The following PLGRKT variants were observed in gnomAD, a reference collection of about 807,000 sequenced individuals.
The protein encoded by PLGRKT is plasminogen receptor with a C-terminal lysine, also known as plasminogen receptor (KT).
A neutral mutation model predicts 18.5 loss-of-function variants in PLGRKT; 22 were observed. The observed-to-expected ratio is 1.19, with a 90% CI of 0.85 to 1.70. The LOEUF (loss-of-function observed/expected upper bound fraction) is 1.70. Ranked by LOEUF, PLGRKT falls within the 40% of genes most tolerant of loss-of-function variation. PLGRKT has a pLI of 0.00. For synonymous variants in PLGRKT, 72 were observed against 52.8 expected (o/e 1.36, Z -1.58); for missense variants, 235 against 174.4 (o/e 1.35, Z -1.96).
intron 3 of PLGRKT, among the ~76,000 whole-genome samples, chr9:5,390,181 T>C (rs1376259314): frequency 6.6e-6 from 1 of 151,526 alleles, no homozygotes; most frequent in Admixed American, 6.6e-5. Context: ...CTGTGACTAA[T>C]TCAGTTCTTC....
chr9:5,392,338 G>A (rs1404263855), intron 3 of PLGRKT: 1 of 151,858 alleles, frequency 6.6e-6, no homozygotes, highest in African/African-American at 2.4e-5. Context: ...CAGTCCCAGA[G>A]GAATGTATTC....
At chr9:5,371,094 T>C (rs1467024801) in intron 3 of PLGRKT, among the ~76,000 whole-genome samples, 1 of 152,252 alleles carries the variant, frequency 6.6e-6, no homozygotes, top group East Asian at 1.9e-4. Context: ...TTCTTACGCG[T>C]ACATGTAACA....
intron 3 of PLGRKT, among the ~76,000 whole-genome samples, chr9:5,428,925 T>G (rs186505921): frequency 6.6e-6 from 1 of 152,274 alleles, no homozygotes; most frequent in Non-Finnish European, 1.5e-5. Flanking sequence ...TGGTCTTGAA[T>G]TCTTGGGCTC....
At chr9:5,358,471 C>T in intron 5 of PLGRKT, 111 bp from the exon 6 acceptor site, 1 of 784,532 alleles carries the variant, frequency 1.3e-6, no homozygotes, top group Non-Finnish European at 2.0e-6. Flanking sequence ...GAGCCATGTC[C>T]CCAATCTCAC....
At chr9:5,411,083 A>G (rs772401290) in intron 3 of PLGRKT, among the ~76,000 whole-genome samples, 41 of 152,234 alleles carry the variant, frequency 2.7e-4, no homozygotes, top group East Asian at 7.7e-4. Flanking sequence ...AAGAAAGCAG[A>G]CAAGAAAAGA....
intron 3 of PLGRKT, among the ~76,000 whole-genome samples, chr9:5,413,015 G>A (rs1216223315): frequency 1.3e-5 from 2 of 152,094 alleles, no homozygotes; most frequent in Non-Finnish European, 2.9e-5. Context: ...TTAAAGAAAA[G>A]CAAATTAAAG....
chr9:5,390,703 G>C lies in PLGRKT; in HGVS notation c.82-28815C>G, dbSNP rs555340761. ...AACTGCAGCTTCCCCAATGTACCCA[G>C]TCACTCCTACCTTGCAAGGCTGTTG... On this transcript the variant is annotated intron_variant, in intron 3 of 5. Transcript: ENST00000223864. Among the ~76,000 whole-genome samples, 11 of 151,894 alleles carry C rather than the reference G, an allele frequency of 7.2e-5. No homozygotes were observed. In the South Asian group the frequency reaches 1.9e-3, roughly 26 times the overall value.
At chr9:5,383,155 C>T (rs746249003) in intron 3 of PLGRKT, among the ~76,000 whole-genome samples, 16 of 152,130 alleles carry the variant, frequency 1.1e-4, no homozygotes, top group Non-Finnish European at 1.0e-4. Flanking sequence ...GAGATTGGAG[C>T]AATGCAGCCA....
intron 3 of PLGRKT, among the ~76,000 whole-genome samples, chr9:5,376,995 G>A (rs1473939756): frequency 6.6e-6 from 1 of 152,080 alleles, no homozygotes; most frequent in Non-Finnish European, 1.5e-5. Flanking sequence ...TTTTTATAAA[G>A]AAATAAAATC....
intron 3 of PLGRKT, among the ~76,000 whole-genome samples, chr9:5,403,109 G>A (rs1336307014): frequency 6.6e-6 from 1 of 151,810 alleles, no homozygotes; most frequent in East Asian, 1.9e-4. Flanking sequence ...ACAGATGGAA[G>A]GTGGCATTAG....
At chr9:5,386,426 A>T (rs879543543) in intron 3 of PLGRKT, among the ~76,000 whole-genome samples, 21 of 151,892 alleles carry the variant, frequency 1.4e-4, no homozygotes, top group Admixed American at 2.0e-4. Context: ...CAATTGAAGT[A>T]TGCTACTGGC....
At chr9:5,430,261 C>G (rs1195561995) in intron 3 of PLGRKT, among the ~76,000 whole-genome samples, 1 of 152,226 alleles carries the variant, frequency 6.6e-6, no homozygotes, top group African/African-American at 2.4e-5. Flanking sequence ...TTCACAGACC[C>G]TGACTTCATG....
intron 3 of PLGRKT, among the ~76,000 whole-genome samples, chr9:5,381,666 G>C (rs1425985189): frequency 1.4e-5 from 2 of 147,590 alleles, no homozygotes; most frequent in Non-Finnish European, 3.0e-5. Context: ...TAAATGCAGA[G>C]ATCTAAAACA....
intron 3 of PLGRKT, among the ~76,000 whole-genome samples, chr9:5,399,165 T>C (rs1402366893): frequency 1.3e-5 from 2 of 151,864 alleles, no homozygotes; most frequent in Non-Finnish European, 2.9e-5. Context: ...GTCTCAATCA[T>C]CTGGCTGCTT....
chr9:5,424,684 A>G (rs1412589300), intron 3 of PLGRKT, among the ~76,000 whole-genome samples: 1 of 106,072 alleles, frequency 9.4e-6, no homozygotes, highest in African/African-American at 4.2e-5. Context: ...ATATATATAT[A>G]TATATATACA....
intron 3 of PLGRKT, among the ~76,000 whole-genome samples, chr9:5,398,049 C>T (rs1357921080): frequency 1.3e-5 from 2 of 151,886 alleles, no homozygotes; most frequent in African/African-American, 4.9e-5. Context: ...CTGAACCACA[C>T]TGAGGACTAG....
intron 3 of PLGRKT, among the ~76,000 whole-genome samples, chr9:5,371,086 C>T (rs922306788): frequency 1.4e-4 from 22 of 152,200 alleles, no homozygotes; most frequent in Admixed American, 1.4e-3. Context: ...TACATCCATT[C>T]TTACGCGTAC....
intron 3 of PLGRKT, among the ~76,000 whole-genome samples, chr9:5,394,614 T>C (rs1818011161): frequency 1.3e-5 from 2 of 151,908 alleles, no homozygotes; most frequent in Admixed American, 6.5e-5. Flanking sequence ...AGTCTCACCA[T>C]GTTGGTCAGG....
At chr9:5,437,131 G>A (rs1040543513) in intron 1 of PLGRKT, among the ~76,000 whole-genome samples, 3 of 152,132 alleles carry the variant, frequency 2.0e-5, no homozygotes, top group Non-Finnish European at 4.4e-5. Context: ...CCCTGCCTCA[G>A]GTGAGCTATA....
Sources: allele counts gnomAD v4.1 joint callset (sites outside exome capture counted in the v4.1 genomes callset), GRCh38; gene constraint gnomAD v4.1.1; transcripts MANE v1.5; gene names NCBI Gene and HGNC (gene_info 2026-07-23, HGNC 2026-07-21).